The following ARHGAP42 variants were observed in gnomAD, a reference collection of about 807,000 sequenced individuals.
ARHGAP42 encodes rho GTPase-activating protein 42.
Under a neutral mutation model 125.0 loss-of-function variants are expected in ARHGAP42, and 63 were observed. The observed-to-expected ratio is 0.50, with a 90% CI of 0.41 to 0.62. The LOEUF (loss-of-function observed/expected upper bound fraction) is 0.62. Ranked by LOEUF, ARHGAP42 falls within the 20% of genes least tolerant of loss-of-function variation. ARHGAP42 has a pLI of 0.00. For synonymous variants in ARHGAP42, 339 were observed against 351.0 expected (o/e 0.97, Z 0.38); for missense variants, 766 against 1,024.2 (o/e 0.75, Z 3.44).
At chr11:100,899,951 G>T (rs1318726913) in intron 4 of ARHGAP42, among the ~76,000 whole-genome samples, 2 of 152,052 alleles carry the variant, frequency 1.3e-5, no homozygotes, top group African/African-American at 4.8e-5. Flanking sequence ...CTGTCATTAT[G>T]ATGTTAGCTG....
chr11:100,810,267 A>G (rs1864105319), intron 3 of ARHGAP42, among the ~76,000 whole-genome samples: 1 of 152,224 alleles, frequency 6.6e-6, no homozygotes, highest in African/African-American at 2.4e-5. Flanking sequence ...GTCAGTTCAA[A>G]AGAATGGTTT....
chr11:100,886,857 C>T (rs1239737583), intron 4 of ARHGAP42, among the ~76,000 whole-genome samples: 1 of 151,908 alleles, frequency 6.6e-6, no homozygotes, highest in Non-Finnish European at 1.5e-5. Flanking sequence ...TTATGTTGAC[C>T]CTCCTTGATT....
chr11:100,900,835 T>C (rs1866525352), intron 4 of ARHGAP42, among the ~76,000 whole-genome samples: 1 of 152,192 alleles, frequency 6.6e-6, no homozygotes, highest in African/African-American at 2.4e-5. Context: ...GGTTTGAACA[T>C]GTTCCTTTAG....
At chr11:100,819,286 C>T (rs769752323) in intron 3 of ARHGAP42, among the ~76,000 whole-genome samples, 1 of 152,098 alleles carries the variant, frequency 6.6e-6, no homozygotes, top group Non-Finnish European at 1.5e-5. Flanking sequence ...GAGAAGAACT[C>T]ATGGGTCCTA....
chr11:100,724,261 G>A (rs1591129202), intron 1 of ARHGAP42, among the ~76,000 whole-genome samples: 1 of 152,056 alleles, frequency 6.6e-6, no homozygotes, highest in Non-Finnish European at 1.5e-5. Flanking sequence ...GTTCGTGGGA[G>A]ATATTGGTCT....
chr11:100,762,719 ACAC>A (rs1202147415), intron 1 of ARHGAP42, among the ~76,000 whole-genome samples: 1 of 152,138 alleles, frequency 6.6e-6, no homozygotes, highest in Admixed American at 6.6e-5. Context: ...ATACTTTGCC[ACAC>A]CCAGTATTCT....
At chr11:100,965,837 C>T in intron 17 of ARHGAP42, 61 bp downstream of exon 17, 2 of 1,388,360 alleles carry the variant, frequency 1.4e-6, no homozygotes, top group Non-Finnish European at 2.0e-6. Flanking sequence ...TTGTTCATGT[C>T]TTTTTAAAGT....
chr11:100,909,765 G>C (rs1321818932), intron 4 of ARHGAP42, among the ~76,000 whole-genome samples: 2 of 152,048 alleles, frequency 1.3e-5, no homozygotes, highest in Non-Finnish European at 2.9e-5. Flanking sequence ...CAATTTTCCA[G>C]CATCATTTAT....
At chr11:100,756,438 A>C (rs970016692) in intron 1 of ARHGAP42, among the ~76,000 whole-genome samples, 3 of 152,104 alleles carry the variant, frequency 2.0e-5, no homozygotes, top group African/African-American at 7.2e-5. Context: ...TCATCTTAGA[A>C]TATATGAACT....
At chr11:100,956,339 A>G (rs144361153) in intron 12 of ARHGAP42, among the ~76,000 whole-genome samples, 1 of 152,286 alleles carries the variant, frequency 6.6e-6, no homozygotes, top group African/African-American at 2.4e-5. Flanking sequence ...GCTGATGACA[A>G]TATAGGTTCA....
At chr11:100,936,424 G>A (rs779134191) in intron 8 of ARHGAP42, 92 bp downstream of exon 8, 5 of 1,472,686 alleles carry the variant, frequency 3.4e-6, no homozygotes, top group African/African-American at 1.4e-5. Context: ...CAAGTAGGAG[G>A]ACTGAAATTT....
chr11:100,853,681 A>G (rs1358788478), intron 3 of ARHGAP42, among the ~76,000 whole-genome samples: 1 of 152,118 alleles, frequency 6.6e-6, no homozygotes, highest in East Asian at 1.9e-4. Context: ...TCTTGGTTGA[A>G]TGGTTTTCCA....
intron 21 of ARHGAP42, among the ~76,000 whole-genome samples, 174 bp from the exon 22 acceptor site, chr11:100,978,813 T>C (rs1858458016): frequency 6.6e-6 from 1 of 152,214 alleles, no homozygotes; most frequent in Non-Finnish European, 1.5e-5. Flanking sequence ...AGCTGGAGGT[T>C]AGATCTAAAA....
chr11:100,977,688 A>G (rs1176189346), intron 21 of ARHGAP42, among the ~76,000 whole-genome samples: 1 of 152,168 alleles, frequency 6.6e-6, no homozygotes, highest in African/African-American at 2.4e-5. Context: ...ATGTCTTTAC[A>G]TGAGTTATCT....
chr11:100,987,630 A>G (rs1372449545), intron 23 of ARHGAP42, 38 bp downstream of exon 23: 5 of 1,516,628 alleles, frequency 3.3e-6, no homozygotes, highest in Middle Eastern at 1.7e-4. Flanking sequence ...GTTTGTCATC[A>G]TGGGGAGGAT....
chr11:100,742,510 A>T (rs776309390), intron 1 of ARHGAP42, among the ~76,000 whole-genome samples: 24 of 152,146 alleles, frequency 1.6e-4, no homozygotes, highest in Non-Finnish European at 2.6e-4. Context: ...GTGTTTTATA[A>T]TTTGAAGTAA....
chr11:100,806,350 G>A (rs568814208), intron 3 of ARHGAP42, among the ~76,000 whole-genome samples: 4 of 152,154 alleles, frequency 2.6e-5, no homozygotes, highest in South Asian at 2.1e-4. Context: ...ATATGCCCTC[G>A]ATAGGTGATA....
rs942891824 is a variant in ARHGAP42 at position 100,835,042 on chromosome 11, A to G, written c.313-24512A>G. ...TGAGTGAAATAATGTTTTACATTAG[A>G]TTGCACATTTTCCTATAAACTCTGA... is the stretch of plus-strand genomic sequence containing the variant. On this transcript the variant is annotated intron_variant, in intron 3 of 23. Coordinates refer to ENST00000298815, the MANE Select transcript of ARHGAP42 (RefSeq NM_152432.4). Among the ~76,000 whole-genome samples the G allele has an allele frequency of 2.0e-5, 3 of 152,104 alleles. No homozygotes were observed. The East Asian group carries it at 5.8e-4, about 29-fold the overall frequency.
Position 100,808,395 on chromosome 11 carries a change from C to CTTT in ARHGAP42, c.312+13248_312+13250dup, listed in dbSNP as rs398045483. 6.9e-3 allele frequency among the ~76,000 whole-genome samples: 819 copies of CTTT among 118,752 alleles called. 24 individuals are homozygous for CTTT. Among genetic ancestry groups the CTTT allele is most frequent in the African/African-American group, 0.016 (486 of 30,180 alleles). The allele number at this position is 118,752 out of a possible 152,430, so 77.9% of individuals were successfully genotyped here. On this transcript the variant is annotated intron_variant, in intron 3 of 23. Transcript: ENST00000298815. ...TTTTTGGGATAATTATAAATTCACT[C>CTTT]TTTTTTTTTTTTTTTTTTTTTGAGA...
Sources: gnomAD v4.1 joint callset for allele counts (sites outside exome capture counted in the v4.1 genomes callset) on GRCh38, gnomAD v4.1.1 for gene constraint, MANE v1.5 for transcripts, NCBI Gene and HGNC (gene_info 2026-07-23, HGNC 2026-07-21) for gene names.